DPRX: variants seen among roughly 807,000 people sequenced by gnomAD.
The protein encoded by DPRX is divergent paired-related homeobox.
Under a neutral mutation model 8.4 loss-of-function variants are expected in DPRX, and 11 were observed. The observed-to-expected ratio is 1.31, with a 90% confidence interval of 0.82 to 2.17. The LOEUF is 2.17. DPRX is among the 30% of genes most tolerant of loss of function. DPRX has a pLI of 0.00. For synonymous variants in DPRX, 72 were observed against 87.0 expected (o/e 0.83, Z 0.96); for missense variants, 211 against 236.7 (o/e 0.89, Z 0.71).
chr19:53,618,800 A>C, the DPRX span, among the ~76,000 whole-genome samples: 6 of 151,608 alleles, frequency 4.0e-5, no homozygotes, highest in East Asian at 1.2e-3. Context: ...CTCCTGCCTC[A>C]GCCTCCCAAG....
chr19:53,616,324 T>G, the DPRX span, among the ~76,000 whole-genome samples: 2 of 152,192 alleles, frequency 1.3e-5, no homozygotes, highest in East Asian at 3.8e-4. Context: ...GAAGCTCTTC[T>G]GTAAACTTCA....
chr19:53,601,770 C>T, the DPRX span, among the ~76,000 whole-genome samples: 106 of 152,158 alleles, frequency 7.0e-4, no homozygotes, highest in Non-Finnish European at 1.3e-3. Flanking sequence ...GTGTGAGCCA[C>T]CTCACCTGGC....
exon 3 of DPRX, chr19:53,636,989 T>G (rs766492524): frequency 6.3e-7 from 1 of 1,589,244 alleles, no homozygotes; most frequent in South Asian, 1.1e-5. Flanking sequence ...AGAGAGATGA[T>G]AAATACAAAA....
upstream of DPRX, among the ~76,000 whole-genome samples, chr19:53,629,315 C>CA (rs57730463): frequency 6.8e-4 from 70 of 102,606 alleles, no homozygotes; most frequent in Middle Eastern, 9.9e-3. Flanking sequence ...GACTCTGTCT[C>CA]AAAAAAAAAA....
At chr19:53,602,077 C>A in the DPRX span, 3 of 456,584 alleles carry the variant, frequency 6.6e-6, no homozygotes, top group Non-Finnish European at 8.8e-6. Context: ...AGCAGCAACA[C>A]AGCCGCTGCG....
At chr19:53,617,260 C>G in the DPRX span, 1 of 745,242 alleles carries the variant, frequency 1.3e-6, no homozygotes, top group Non-Finnish European at 2.5e-6. Flanking sequence ...GGTTAGAGTG[C>G]CTTTAAGAAG....
At chr19:53,602,269 T>TGG in the DPRX span, 6 of 68,904 alleles carry the variant, frequency 8.7e-5, no homozygotes, top group East Asian at 5.2e-4. Flanking sequence ...TGGGTATGGG[T>TGG]GTGTGTGTGT....
chr19:53,631,822 G>A (rs984133944), upstream of DPRX, among the ~76,000 whole-genome samples: 1 of 152,086 alleles, frequency 6.6e-6, no homozygotes, highest in African/African-American at 2.4e-5. Flanking sequence ...AGTGGGCCAG[G>A]ATTCTGCATT....
At chr19:53,602,718 A>G in the DPRX span, among the ~76,000 whole-genome samples, 1 of 151,726 alleles carries the variant, frequency 6.6e-6, no homozygotes, top group Non-Finnish European at 1.5e-5. Context: ...TATTTTTAGT[A>G]GAGATGGGGT....
At chr19:53,617,915 A>G in the DPRX span, among the ~76,000 whole-genome samples, 5 of 151,904 alleles carry the variant, frequency 3.3e-5, no homozygotes, top group Non-Finnish European at 5.9e-5. Flanking sequence ...CAAGGTGGGC[A>G]GATCACGAGG....
the DPRX span, among the ~76,000 whole-genome samples, chr19:53,609,994 A>C: frequency 6.6e-6 from 1 of 151,036 alleles, no homozygotes; most frequent in Non-Finnish European, 1.5e-5. Flanking sequence ...CAAAAAATAA[A>C]AATAAAAATA....
chr19:53,634,483 TGGA>T, intron 1 of DPRX, 45 bp from the exon 2 acceptor site: 1 of 1,574,882 alleles, frequency 6.3e-7, no homozygotes, highest in Admixed American at 1.9e-5. Context: ...CTTTTGAGAA[TGGA>T]GTTGTTAGCA....
the DPRX span, among the ~76,000 whole-genome samples, chr19:53,603,023 A>ATGTG: frequency 2.0e-4 from 22 of 112,668 alleles, no homozygotes; most frequent in African/African-American, 5.0e-4. Flanking sequence ...GTGTGTATAT[A>ATGTG]TGTGTGTGTG....
At chr19:53,632,228 G>C (rs994181197) in intron 1 of DPRX, 94 bp downstream of exon 1, 2 of 1,571,884 alleles carry the variant, frequency 1.3e-6, no homozygotes, top group African/African-American at 1.4e-5. Flanking sequence ...GGCGGCCGAA[G>C]CTGGTGCTTC....
chr19:53,611,181 C>T, the DPRX span, among the ~76,000 whole-genome samples: 1 of 152,070 alleles, frequency 6.6e-6, no homozygotes, highest in Non-Finnish European at 1.5e-5. Context: ...GGATTACAGG[C>T]GCGAGCCACA....
chr19:53,614,258 T>A, the DPRX span, among the ~76,000 whole-genome samples: 3,679 of 152,204 alleles, frequency 0.024, 172 homozygotes, highest in African/African-American at 0.085. Context: ...CCTAAAAGAA[T>A]CTTTAAATTG....
chr19:53,622,159 T>C, the DPRX span, among the ~76,000 whole-genome samples: 5 of 152,188 alleles, frequency 3.3e-5, no homozygotes, highest in African/African-American at 1.2e-4. Flanking sequence ...CAAACTTCTT[T>C]GTAAACATGC....
At chr19:53,636,108 C>CA (rs2091110939) in intron 2 of DPRX, among the ~76,000 whole-genome samples, 1 of 152,136 alleles carries the variant, frequency 6.6e-6, no homozygotes, top group African/African-American at 2.4e-5. Flanking sequence ...TGGCTCATGC[C>CA]TGTAATCCCA....
the DPRX span, among the ~76,000 whole-genome samples, chr19:53,620,631 C>T: frequency 6.6e-6 from 1 of 152,152 alleles, no homozygotes; most frequent in African/African-American, 2.4e-5. Context: ...TCCCAAAGTG[C>T]TGGGATTACA....
Sources: gnomAD v4.1 joint callset for allele counts (sites outside exome capture counted in the v4.1 genomes callset) on GRCh38, gnomAD v4.1.1 for gene constraint, MANE v1.5 for transcripts, NCBI Gene and HGNC (gene_info 2026-07-23, HGNC 2026-07-21) for gene names.